The following STX1A variants were observed in gnomAD, a reference collection of about 807,000 sequenced individuals.
STX1A encodes the protein syntaxin 1A.
A neutral mutation model predicts 37.8 loss-of-function variants in STX1A; 4 were observed. The ratio of observed to expected loss-of-function variants is 0.11; its 90% CI spans 0.05 to 0.24. STX1A has a LOEUF of 0.24. STX1A is among the 10% of genes least tolerant of loss of function. The pLI is 1.00. For missense variants in STX1A, 251 were observed against 399.9 expected (o/e 0.63, Z 3.18); for synonymous variants, 135 against 147.4 (o/e 0.92, Z 0.61).
At chr7:73,708,278 A>G (rs1256924952) in intron 3 of STX1A, among the ~76,000 whole-genome samples, 12 of 149,942 alleles carry the variant, frequency 8.0e-5, no homozygotes, top group South Asian at 2.1e-4. Flanking sequence ...AAAAAAAAAA[A>G]AAAGAAAAAA....
chr7:73,703,734 A>T, intron 7 of STX1A, 21 bp downstream of exon 7: 1 of 1,610,038 alleles, frequency 6.2e-7, no homozygotes, highest in African/African-American at 1.3e-5. Flanking sequence ...TCATGGCAGG[A>T]GGGATGGGGC....
At chr7:73,718,188 A>C (rs1799358753) in intron 1 of STX1A, among the ~76,000 whole-genome samples, 1 of 152,204 alleles carries the variant, frequency 6.6e-6, no homozygotes, top group African/African-American at 2.4e-5. Flanking sequence ...TTTAGAGCCC[A>C]TATGCGACTT....
Position 73,704,076 on chromosome 7 carries a change from G to A in STX1A, c.466+72C>T, listed in dbSNP as rs887312714. The A allele has an allele frequency of 1.3e-5, 19 of 1,467,360 alleles. 1 individual carries two copies. The highest frequency in any genetic ancestry group is 2.4e-4 in the Middle Eastern group (1 of 4,174). 90.9% of individuals were successfully genotyped at this position (1,467,360 alleles called of 1,614,324 possible). ...TAACTAAGCAGCAGCCTTGAGCCAC[G>A]CACTCAGCAGCAGACTCGGGCCCCG... On this transcript the variant is annotated intron_variant, in intron 6 of 9. Transcript: ENST00000222812.
chr7:73,712,081 T>C (rs1554618049), intron 1 of STX1A, among the ~76,000 whole-genome samples: 1 of 151,880 alleles, frequency 6.6e-6, no homozygotes, highest in African/African-American at 2.4e-5. Context: ...CCAGGGTAGA[T>C]GGGGGCACGC....
At position 73,702,009 on chromosome 7, in the gene STX1A, G is replaced by A. The variant is rs1470985510; in HGVS notation, c.678+836C>T. On this transcript the variant is annotated intron_variant, in intron 8 of 9. Transcript: ENST00000222812. This position sits in a 1 kb window ranked among gnomAD's most constrained non-coding sequence, Gnocchi z 4.7. ...CCAGCACACTGCCTGCCAAGGCCCC[G>A]TCCACCTCGTCTCCAGCTTCATCTC... Among the ~76,000 whole-genome samples the A allele has an allele frequency of 2.6e-5, 4 of 152,108 alleles. No homozygotes were observed. Among genetic ancestry groups the A allele is most frequent in the African/African-American group, 7.2e-5 (3 of 41,412 alleles).
chr7:73,708,774 G>T, intron 2 of STX1A, 86 bp from the exon 3 acceptor site: 12 of 1,440,396 alleles, frequency 8.3e-6, no homozygotes, highest in Non-Finnish European at 1.1e-5. Flanking sequence ...TAGGGCTGCG[G>T]TCAGGGCTCA....
rs193130921 is a variant in STX1A, at chr7:73,713,466, C to T, written c.31-4344G>A. Among the ~76,000 whole-genome samples the T allele has an allele frequency of 3.3e-3, 500 of 152,334 alleles. 10 individuals carry two copies. Among genetic ancestry groups the T allele is most frequent in the Admixed American group, 0.031 (476 of 15,292 alleles). ...TAAAGTGGCCAAGCATGATGGCTCACGCCGGTAATCTCAGCACTTTGGGAG... is the reference window on the plus strand; with the variant it reads ...TAAAGTGGCCAAGCATGATGGCTCATGCCGGTAATCTCAGCACTTTGGGAG... On this transcript the variant is annotated intron_variant, in intron 1 of 9. Transcript: ENST00000222812.
intron 2 of STX1A, 85 bp downstream of exon 2, chr7:73,708,960 A>G: frequency 1.4e-6 from 2 of 1,456,658 alleles, no homozygotes; most frequent in Non-Finnish European, 1.9e-6. Flanking sequence ...GCAGGTGTGA[A>G]AGAGCACTGA....
Position 73,705,263 on chromosome 7 carries a change from T to A in STX1A, c.209-39A>T. 1 of 1,564,990 alleles carries A rather than the reference T, an allele frequency of 6.4e-7. No homozygotes were observed. Among genetic ancestry groups the A allele is most frequent in the Non-Finnish European group, 8.8e-7 (1 of 1,136,094 alleles). On this transcript the variant is annotated intron_variant, in intron 3 of 9. Transcript: ENST00000222812. The surrounding 1 kb of genome is among the most constrained non-coding windows in gnomAD (Gnocchi z 5.2). ...AAGGGTGGGGGTAGGCCTCCTAGGC[T>A]CCGCGGGGACTGATGTGCAGGCTCA...
chr7:73,704,630 A>C, intron 4 of STX1A: 2 of 619,620 alleles, frequency 3.2e-6, no homozygotes, highest in Non-Finnish European at 5.7e-6. Context: ...ATGTGTGTAA[A>C]TGCACACCCA....
At chr7:73,704,808 G>C (rs1403516394) in intron 4 of STX1A, 3 of 510,556 alleles carry the variant, frequency 5.9e-6, no homozygotes, top group African/African-American at 5.8e-5. Flanking sequence ...GGCACTCATG[G>C]GGTGCACGTG....
In STX1A at chr7:73,700,577, G is replaced by A; in HGVS notation, c.790-93C>T. ...AGGCTGAGGACTGGACAGTCGGGGG[G>A]GATCCAAGCAGGGGAAGGTGACGGC... On this transcript the variant is annotated intron_variant, in intron 9 of 9. Transcript: ENST00000222812. The surrounding 1 kb of genome is among the most constrained non-coding windows in gnomAD (Gnocchi z 4.4). The A allele has an allele frequency of 6.5e-7, 1 of 1,530,462 alleles. No homozygotes were observed. Among genetic ancestry groups the A allele is most frequent in the Non-Finnish European group, 8.9e-7 (1 of 1,122,856 alleles). 94.8% of individuals were successfully genotyped at this position (1,530,462 alleles called of 1,614,324 possible). A position where few individuals can be genotyped will look rare whatever the true frequency, so the allele number is the denominator to read the frequency against.
At chr7:73,715,180 T>C (rs1799247139) in intron 1 of STX1A, among the ~76,000 whole-genome samples, 1 of 150,474 alleles carries the variant, frequency 6.6e-6, no homozygotes, top group African/African-American at 2.5e-5. Flanking sequence ...TCCCAGCACT[T>C]TGGGAGGCCG....
rs1798786960 is a variant in STX1A at position 73,704,264 on chromosome 7, C to T, written c.358-8G>A. 1.9e-6 allele frequency: 3 copies of T among 1,614,042 alleles called. 1 individual carries two copies. Among genetic ancestry groups the T allele is most frequent in the Non-Finnish European group, 2.5e-6 (3 of 1,180,000 alleles). On this transcript the variant is annotated splice_polypyrimidine_tract_variant and splice_region_variant and intron_variant, in intron 5 of 9. Coordinates refer to ENST00000222812, the MANE Select transcript of STX1A (RefSeq NM_004603.4). Reference sequence around the variant, plus strand: ...TCTGGACAGCGTGGAGTGCTGGGGGCCCGAGATGGAGGTGCAGGGGTCAGG... The same window carrying T: ...TCTGGACAGCGTGGAGTGCTGGGGGTCCGAGATGGAGGTGCAGGGGTCAGG...
chr7:73,704,583 A>G, intron 4 of STX1A, 160 bp from the exon 5 acceptor site: 1 of 823,766 alleles, frequency 1.2e-6, no homozygotes, highest in Non-Finnish European at 1.9e-6. Flanking sequence ...AGGGGCCTAC[A>G]GAAGCCCTTC....
At position 73,705,424 on chromosome 7, in the gene STX1A, C is replaced by T. The variant is rs553602551; in HGVS notation, c.209-200G>A. ...GCTGCACCAGCTGCAGCTTCACCCCCTCTTGTGCTGTCTTCGGAGGAGCCT... is the reference window on the plus strand; with the variant it reads ...GCTGCACCAGCTGCAGCTTCACCCCTTCTTGTGCTGTCTTCGGAGGAGCCT... On this transcript the variant is annotated intron_variant, in intron 3 of 9. Transcript: ENST00000222812. This position sits in a 1 kb window ranked among gnomAD's most constrained non-coding sequence, Gnocchi z 5.2. The T allele has an allele frequency of 3.2e-5, 19 of 584,964 alleles. No individual in the cohort carries two copies. The highest frequency in any genetic ancestry group is 5.5e-5 in the Non-Finnish European group (18 of 328,326). The allele number at this position is 584,964 out of a possible 1,614,324, so 36.2% of individuals were successfully genotyped here.
chr7:73,716,218 C>G (rs980396611), intron 1 of STX1A, among the ~76,000 whole-genome samples: 7 of 152,244 alleles, frequency 4.6e-5, no homozygotes, highest in Admixed American at 2.0e-4. Flanking sequence ...TCGGGCGAGC[C>G]CTGTCCGGCT....
chr7:73,705,377 C>G lies in STX1A; in HGVS notation c.209-153G>C. The G allele has an allele frequency of 1.6e-6, 1 of 643,914 alleles. No homozygotes were observed. Among genetic ancestry groups the G allele is most frequent in the East Asian group, 2.7e-5 (1 of 36,410 alleles). The allele number at this position is 643,914 out of a possible 1,614,324, so 39.9% of individuals were successfully genotyped here. A position where few individuals can be genotyped will look rare whatever the true frequency, so the allele number is the denominator to read the frequency against. Reference sequence around the variant, plus strand: ...GGCTAAGGCTCTGCCTGCCCGCCCCCCTCCCCCAATTCTGGGCCAGGGCTG... The same window carrying G: ...GGCTAAGGCTCTGCCTGCCCGCCCCGCTCCCCCAATTCTGGGCCAGGGCTG... On this transcript the variant is annotated intron_variant, in intron 3 of 9. Transcript: ENST00000222812. This position sits in a 1 kb window ranked among gnomAD's most constrained non-coding sequence, Gnocchi z 5.2.
At chr7:73,713,373 G>A (rs1554618218) in intron 1 of STX1A, among the ~76,000 whole-genome samples, 1 of 152,198 alleles carries the variant, frequency 6.6e-6, no homozygotes, top group African/African-American at 2.4e-5. Context: ...ATGTAACTAG[G>A]TGATGTGGCT....
Sources: allele counts gnomAD v4.1 joint callset (sites outside exome capture counted in the v4.1 genomes callset), GRCh38; gene constraint gnomAD v4.1.1; non-coding constraint Gnocchi (gnomAD v3.1); transcripts MANE v1.5; gene names NCBI Gene and HGNC (gene_info 2026-07-23, HGNC 2026-07-21).